WDR59: variants seen among roughly 807,000 people sequenced by gnomAD.
WDR59 encodes GATOR2 complex protein WDR59.
Under a neutral mutation model 131.2 loss-of-function variants are expected in WDR59, and 100 were observed. That is an observed-to-expected ratio of 0.76 (90% confidence interval 0.65 to 0.90). WDR59 has a LOEUF of 0.90. Among genes scored for constraint, WDR59 ranks in the 40% least tolerant of loss-of-function variants. The probability of loss-of-function intolerance (pLI) is 0.00; values close to 1 mark genes in which losing one functional copy is unlikely to be tolerated. For missense variants in WDR59, 1,203 were observed against 1,262.2 expected (o/e 0.95, Z 0.71); for synonymous variants, 601 against 466.2 (o/e 1.29, Z -3.72).
At chr16:74,934,175 C>T (rs181734901) in intron 8 of WDR59, among the ~76,000 whole-genome samples, 14 of 152,282 alleles carry the variant, frequency 9.2e-5, no homozygotes, top group Admixed American at 9.2e-4. Flanking sequence ...TCAGCCTCCC[C>T]AGATTAATTA....
At chr16:74,976,688 A>G (rs577869555) in intron 1 of WDR59, among the ~76,000 whole-genome samples, 28 of 152,160 alleles carry the variant, frequency 1.8e-4, no homozygotes, top group Admixed American at 6.5e-4. Flanking sequence ...TGATCCGCCC[A>G]CCTTGGCCTC....
At chr16:74,901,635 G>C (rs966722901) in intron 18 of WDR59, among the ~76,000 whole-genome samples, 3 of 149,498 alleles carry the variant, frequency 2.0e-5, no homozygotes, top group Non-Finnish European at 4.4e-5. Context: ...GGGCAACAGA[G>C]TGAGGCCCCA....
rs144473904 is a variant in WDR59, at chr16:74,921,423, A to G, written c.886+524T>C. On this transcript the variant is annotated intron_variant, in intron 10 of 25. Transcript: ENST00000262144. ...ATGGGTAACTAACAATGGGTTCCTA[A>G]AAACTTTATTTCCATCCAAAACTAC... Among the ~76,000 whole-genome samples, 64 of 152,356 alleles carry G rather than the reference A, an allele frequency of 4.2e-4. 1 individual carries two copies. Among genetic ancestry groups the G allele is most frequent in the African/African-American group, 1.3e-3 (54 of 41,590 alleles).
chr16:74,948,412 T>C (rs1597780132), intron 6 of WDR59, 107 bp downstream of exon 6: 1 of 1,058,160 alleles, frequency 9.5e-7, no homozygotes, highest in South Asian at 1.3e-5. Flanking sequence ...ACAGAGGCAG[T>C]TAGAGAGGGA....
At chr16:74,963,936 AG>A (rs1400901296) in intron 2 of WDR59, among the ~76,000 whole-genome samples, 1 of 151,786 alleles carries the variant, frequency 6.6e-6, no homozygotes, top group African/African-American at 2.4e-5. Flanking sequence ...AAAGAGAGAG[AG>A]AGAGAATATG....
At chr16:74,886,202 G>A in intron 24 of WDR59, 68 bp downstream of exon 24, 1 of 1,094,148 alleles carries the variant, frequency 9.1e-7, no homozygotes. Context: ...TAAGAGTTGT[G>A]ATTGTGGAGA....
rs149217062 is a variant in WDR59 at position 74,880,555 on chromosome 16, G to A, written c.2689+5098C>T. On this transcript the variant is annotated intron_variant, in intron 25 of 25. Coordinates refer to ENST00000262144, the MANE Select transcript of WDR59 (RefSeq NM_030581.4). ...GACATGAAGCCCACAAGTCCTCCCA[G>A]GAAACTTCTTTGGCCTAGGGAATCC... is the stretch of plus-strand genomic sequence containing the variant. Among the ~76,000 whole-genome samples the A allele has an allele frequency of 2.6e-3, 400 of 152,136 alleles. 2 individuals are homozygous for A. Among genetic ancestry groups the A allele is most frequent in the African/African-American group, 9.0e-3 (374 of 41,426 alleles).
At chr16:74,949,880 C>T (rs2032892519) in intron 4 of WDR59, 82 bp from the exon 5 acceptor site, 2 of 1,228,552 alleles carry the variant, frequency 1.6e-6, no homozygotes, top group African/African-American at 1.5e-5. Flanking sequence ...ATCGAGTCTC[C>T]AGTGGCTTCA....
intron 14 of WDR59, 31 bp downstream of exon 14, chr16:74,912,167 G>C (rs1260770108): frequency 6.8e-6 from 11 of 1,613,898 alleles, no homozygotes; most frequent in East Asian, 2.2e-5. Flanking sequence ...ATGCAGAACA[G>C]CAAGGAGAAT....
At chr16:74,896,326 G>A (rs1340189552) in intron 18 of WDR59, among the ~76,000 whole-genome samples, 1 of 152,114 alleles carries the variant, frequency 6.6e-6, no homozygotes, top group Non-Finnish European at 1.5e-5. Flanking sequence ...CTAGCTTACA[G>A]AACACACTGA....
In WDR59 at chr16:74,985,018, C is replaced by T. The variant is rs1218616241; in HGVS notation, c.-1G>A. 4 of 1,575,082 alleles carry T rather than the reference C, an allele frequency of 2.5e-6. No homozygotes were observed. Among genetic ancestry groups the T allele is most frequent in the Admixed American group, 1.8e-5 (1 of 54,080 alleles). On this transcript the variant is annotated 5_prime_UTR_variant, in exon 1 of 26. Coordinates refer to ENST00000262144, the MANE Select transcript of WDR59 (RefSeq NM_030581.4). ...TTTCGCTGCTCCATCGCGCCGCCAT[C>T]TCCCCCGCCCGGCCGCCGCGGCCCC... is the stretch of plus-strand genomic sequence containing the variant.
Position 74,942,819 on chromosome 16 carries a change from G to A in WDR59, c.453C>T (p.Ala151=). The change falls in exon 7 of 26, where the codon GCC becomes GCT. Residue 151 remains alanine (A), a synonymous_variant. Coordinates refer to ENST00000262144, the MANE Select transcript of WDR59 (RefSeq NM_030581.4). The part of the protein sequence containing the change: ...PTVALSAVAG[A]SQVKWNKKNA... ...TTTTTTTATTCCATTTGACCTGGGA[G>A]GCACCCGCTGCAAAGAAAAATCAGG... 1 of 1,613,498 alleles carries A rather than the reference G, an allele frequency of 6.2e-7. No individual in the cohort carries two copies. The highest frequency in any genetic ancestry group is 8.5e-7 in the Non-Finnish European group (1 of 1,179,794).
At chr16:74,983,666 C>T (rs927630815) in intron 1 of WDR59, among the ~76,000 whole-genome samples, 1 of 152,016 alleles carries the variant, frequency 6.6e-6, no homozygotes, top group African/African-American at 2.4e-5. Flanking sequence ...ACATCCTCAA[C>T]ATACAACCAC....
chr16:74,922,951 C>G (rs1437222369), intron 9 of WDR59, among the ~76,000 whole-genome samples: 1 of 152,164 alleles, frequency 6.6e-6, no homozygotes, highest in Non-Finnish European at 1.5e-5. Flanking sequence ...CATCCCTGTG[C>G]TAGCTTTCAG....
chr16:74,959,975 G>C (rs2033480927), intron 2 of WDR59, among the ~76,000 whole-genome samples: 2 of 151,944 alleles, frequency 1.3e-5, no homozygotes, highest in Admixed American at 1.3e-4. Flanking sequence ...AACAATAGTT[G>C]AAATTTTTTG....
chr16:74,910,859 G>A (rs753657765), intron 14 of WDR59, among the ~76,000 whole-genome samples: 11 of 151,820 alleles, frequency 7.2e-5, no homozygotes, highest in Non-Finnish European at 1.3e-4. Flanking sequence ...TGCAGCCTCC[G>A]CCTCCCAGGT....
chr16:74,981,631 TATATATATATATATATATATA>T (rs2034413727), intron 1 of WDR59, among the ~76,000 whole-genome samples: 2 of 5,796 alleles, frequency 3.5e-4, no homozygotes, highest in African/African-American at 1.0e-3. Context: ...TATATATATA[TATATATATATATATATATATA>T]TATATATATT....
intron 1 of WDR59, among the ~76,000 whole-genome samples, chr16:74,978,183 C>T (rs914362130): frequency 2.0e-5 from 3 of 152,046 alleles, no homozygotes; most frequent in East Asian, 3.9e-4. Context: ...GTTAGCCAGG[C>T]GTGGTGATGG....
chr16:74,872,090 AC>A lies in WDR59; in HGVS notation c.*2118del. The A allele has an allele frequency of 6.6e-6, 1 of 152,376 alleles. No individual in the cohort carries two copies. The highest frequency in any genetic ancestry group is 1.9e-4 in the East Asian group (1 of 5,194). 9.4% of individuals were successfully genotyped at this position (152,376 alleles called of 1,614,324 possible). The stretch of plus-strand genomic sequence containing the variant: ...ACCTGTGCACACATGTGCTGCACAC[AC>A]GTAAACAAGTTACACAAAACATTTT... On this transcript the variant is annotated 3_prime_UTR_variant, in exon 26 of 26. Transcript: ENST00000262144.
Sources: gnomAD v4.1 joint callset for allele counts (sites outside exome capture counted in the v4.1 genomes callset) on GRCh38, gnomAD v4.1.1 for gene constraint, MANE v1.5 for transcripts, NCBI Gene and HGNC (gene_info 2026-07-23, HGNC 2026-07-21) for gene names.